ZNF341: variants seen among roughly 807,000 people sequenced by gnomAD.
ZNF341 encodes the protein zinc finger protein 341.
Under a neutral mutation model 87.7 loss-of-function variants are expected in ZNF341, and 52 were observed. The observed-to-expected ratio is 0.59, with a 90% CI of 0.47 to 0.75. The LOEUF is 0.75. ZNF341 is among the 30% of genes least tolerant of loss of function. ZNF341 has a pLI of 0.00. For missense variants in ZNF341, 977 were observed against 1,145.9 expected (o/e 0.85, Z 2.13); for synonymous variants, 459 against 472.7 (o/e 0.97, Z 0.38).
intron 3 of ZNF341, 76 bp from the exon 4 acceptor site, chr20:33,748,847 T>TGCACACAC: frequency 6.9e-7 from 1 of 1,445,158 alleles, no homozygotes; most frequent in Non-Finnish European, 9.5e-7. Flanking sequence ...TGTCCACACA[T>TGCACACAC]GCACACACGC....
chr20:33,738,826 T>G (rs548481068), intron 1 of ZNF341, among the ~76,000 whole-genome samples: 1 of 151,542 alleles, frequency 6.6e-6, no homozygotes, highest in Non-Finnish European at 1.5e-5. Context: ...GTGGTGAGAG[T>G]TGGTGGAGAG....
In ZNF341 at chr20:33,748,911, C is replaced by G. The variant is rs756500418; in HGVS notation, c.340-12C>G. 3 of 1,607,236 alleles carry G rather than the reference C, an allele frequency of 1.9e-6. No homozygotes were observed. The highest frequency in any genetic ancestry group is 1.1e-5 in the South Asian group (1 of 90,452). ...TCTCCGTCTCACTCATTCTCTCTCT[C>G]CCACTGTCCAGATCTCCACATACAT... On this transcript the variant is annotated splice_polypyrimidine_tract_variant and intron_variant, in intron 3 of 14. Coordinates refer to ENST00000375200, the MANE Select transcript of ZNF341 (RefSeq NM_001282933.2).
At chr20:33,780,216 G>A (rs976007614) in intron 10 of ZNF341, among the ~76,000 whole-genome samples, 1 of 151,996 alleles carries the variant, frequency 6.6e-6, no homozygotes, top group Admixed American at 6.6e-5. Context: ...CAGTGCCAAG[G>A]CCCTGAGGTG....
chr20:33,738,487 T>C (rs1230496304), intron 1 of ZNF341, among the ~76,000 whole-genome samples: 1 of 152,130 alleles, frequency 6.6e-6, no homozygotes, highest in Non-Finnish European at 1.5e-5. Flanking sequence ...TAAACTAAAT[T>C]TCTCCCTAGT....
chr20:33,764,543 G>GTGTATATATATATATATATATA (rs1332743148), intron 8 of ZNF341, among the ~76,000 whole-genome samples: 41 of 69,336 alleles, frequency 5.9e-4, no homozygotes, highest in Non-Finnish European at 8.7e-4. Context: ...GTGTGTATGT[G>GTGTATATATATATATATATATA]TATATATATA....
rs529914302 is a variant in ZNF341 at position 33,741,150 on chromosome 20, C to T, written c.142+138C>T. 9.2e-5 allele frequency: 70 copies of T among 763,332 alleles called. 1 individual carries two copies. Among genetic ancestry groups the T allele is most frequent in the South Asian group, 7.9e-4 (47 of 59,294 alleles). 47.3% of individuals were successfully genotyped at this position (763,332 alleles called of 1,614,324 possible). ...GCTCTGGTGTCTGAACCCTCTCCCC[C>T]GCCTCCCAGCCGGGATCTTTGGGCT... is the stretch of plus-strand genomic sequence containing the variant. On this transcript the variant is annotated intron_variant, in intron 2 of 14. Transcript: ENST00000375200.
chr20:33,770,342 G>C, intron 10 of ZNF341, 50 bp downstream of exon 10: 1 of 1,004,224 alleles, frequency 1.0e-6, no homozygotes, highest in Non-Finnish European at 1.5e-6. Flanking sequence ...GGGTGGGCAG[G>C]GAGCCCAGGG....
At chr20:33,735,535 C>G (rs893869805) in intron 1 of ZNF341, among the ~76,000 whole-genome samples, 1 of 152,078 alleles carries the variant, frequency 6.6e-6, no homozygotes, top group African/African-American at 2.4e-5. Context: ...CCAGGTTGAT[C>G]TTGAACTCCT....
intron 2 of ZNF341, among the ~76,000 whole-genome samples, chr20:33,743,926 T>C (rs977292694): frequency 6.6e-6 from 1 of 152,198 alleles, no homozygotes; most frequent in African/African-American, 2.4e-5. Context: ...CTGGTGTTGA[T>C]AAGAAAACTG....
chr20:33,740,817 G>T, intron 1 of ZNF341, 85 bp from the exon 2 acceptor site: 1 of 1,288,316 alleles, frequency 7.8e-7, no homozygotes, highest in Non-Finnish European at 1.1e-6. Flanking sequence ...CGCCACAGGG[G>T]TTTTGCCTGG....
chr20:33,737,642 A>G (rs116035146), intron 1 of ZNF341, among the ~76,000 whole-genome samples: 2,482 of 152,100 alleles, frequency 0.016, 76 homozygotes, highest in African/African-American at 0.056. Context: ...TTTTTCAAAG[A>G]TAGTTTGGGG....
At chr20:33,734,700 C>A (rs1039530437) in intron 1 of ZNF341, among the ~76,000 whole-genome samples, 1 of 152,074 alleles carries the variant, frequency 6.6e-6, no homozygotes, top group African/African-American at 2.4e-5. Context: ...CAGTTTTACA[C>A]AGGCTGCCTT....
chr20:33,748,401 G>C (rs371754998), intron 3 of ZNF341, among the ~76,000 whole-genome samples: 87 of 152,142 alleles, frequency 5.7e-4, no homozygotes, highest in Admixed American at 3.5e-3. Context: ...TGAGTCATAG[G>C]GTATGTACTT....
At position 33,767,066 on chromosome 20, in the gene ZNF341, C is replaced by T. The variant is rs1182457546; in HGVS notation, c.1413+25C>T. On this transcript the variant is annotated intron_variant, in intron 9 of 14. Transcript: ENST00000375200. The stretch of plus-strand genomic sequence containing the variant: ...GGTAGGTGGATGGTGGCAGCAGGGG[C>T]CCACACCACACCAGTCGAAACCTTT... 2.5e-6 allele frequency: 4 copies of T among 1,599,170 alleles called. No individual in the cohort carries two copies. In the East Asian group the frequency reaches 6.7e-5, roughly 27 times the overall value.
chr20:33,772,348 T>G (rs2019550495), intron 10 of ZNF341, among the ~76,000 whole-genome samples: 1 of 152,134 alleles, frequency 6.6e-6, no homozygotes, highest in African/African-American at 2.4e-5. Flanking sequence ...TTACAGTGGT[T>G]TTTGCTTCTC....
At chr20:33,770,845 G>C (rs933838078) in intron 10 of ZNF341, among the ~76,000 whole-genome samples, 5 of 152,186 alleles carry the variant, frequency 3.3e-5, no homozygotes, top group African/African-American at 1.2e-4. Flanking sequence ...AGTTGGCTGG[G>C]CGTGGTGGCT....
At chr20:33,763,060 G>A (rs539863953) in intron 8 of ZNF341, among the ~76,000 whole-genome samples, 4 of 152,290 alleles carry the variant, frequency 2.6e-5, no homozygotes, top group African/African-American at 9.6e-5. Flanking sequence ...GATGGCATAT[G>A]TGACAGTGGT....
At chr20:33,764,561 A>ATAT (rs1266929824) in intron 8 of ZNF341, among the ~76,000 whole-genome samples, 33 of 28,406 alleles carry the variant, frequency 1.2e-3, no homozygotes, top group Non-Finnish European at 2.0e-3. Context: ...ATATATATAT[A>ATAT]TTTTTTTTTT....
At chr20:33,763,105 T>A (rs950747499) in intron 8 of ZNF341, among the ~76,000 whole-genome samples, 4 of 152,204 alleles carry the variant, frequency 2.6e-5, no homozygotes, top group African/African-American at 9.6e-5. Flanking sequence ...AAATTTTCTG[T>A]CATCTAGTGA....
Sources: gnomAD v4.1 joint callset for allele counts (sites outside exome capture counted in the v4.1 genomes callset) on GRCh38, gnomAD v4.1.1 for gene constraint, MANE v1.5 for transcripts, NCBI Gene and HGNC (gene_info 2026-07-23, HGNC 2026-07-21) for gene names.